Variants in RIMKLA observed in about 807,000 individuals in gnomAD.
The protein encoded by RIMKLA is ribosomal modification protein rimK like family member A, also known as N-acetylaspartylglutamate synthase A.
A neutral mutation model predicts 32.7 loss-of-function variants in RIMKLA; 14 were observed. That is an observed-to-expected ratio of 0.43 (90% confidence interval 0.28 to 0.67). RIMKLA has a LOEUF of 0.67. Ranked by LOEUF, RIMKLA falls within the 30% of genes least tolerant of loss-of-function variation. The pLI is 0.18. For synonymous variants in RIMKLA, 176 were observed against 204.1 expected (o/e 0.86, Z 1.18); for missense variants, 410 against 519.0 (o/e 0.79, Z 2.04).
Position 42,414,506 on chromosome 1 carries a change from G to T in RIMKLA, c.708G>T (p.Pro236=). ...CAGGTGGCGTGGGCGTCAAGTGTCC[G>T]CTGACAGAACAAGGCAAGCAGTTGG... The part of the protein sequence containing the change: ...CSLGGVGVKC[P]LTEQGKQLAI... The change falls in exon 5 of 5, where the codon CCG becomes CCT. Residue 236 remains proline, a synonymous_variant. Transcript: ENST00000431473. 1 of 1,614,084 alleles carries T rather than the reference G, an allele frequency of 6.2e-7. No homozygotes were observed. The highest frequency in any genetic ancestry group is 1.6e-4 in the Middle Eastern group (1 of 6,062).
intron 2 of RIMKLA, among the ~76,000 whole-genome samples, chr1:42,399,987 A>AGTGCAGAGCG (rs1486948314): frequency 1.3e-5 from 2 of 152,236 alleles, no homozygotes; most frequent in East Asian, 3.8e-4. Context: ...GAAAAGAATA[A>AGTGCAGAGCG]GTGCAGAGCG....
In RIMKLA at chr1:42,380,892, G is replaced by T. The variant is rs1305078215; in HGVS notation, c.-43G>T. On this transcript the variant is annotated 5_prime_UTR_variant, in exon 1 of 5. Coordinates refer to ENST00000431473, the MANE Select transcript of RIMKLA (RefSeq NM_173642.4). ...CCCTACTGAGCGAGCGGCCCGGGGC[G>T]CCGAGGGGTCCGCGCCGCGCGGGGC... is the stretch of plus-strand genomic sequence containing the variant. The T allele has an allele frequency of 4.8e-6, 6 of 1,249,294 alleles. No individual in the cohort carries two copies. Among genetic ancestry groups the T allele is most frequent in the Non-Finnish European group, 6.0e-6 (6 of 998,944 alleles). 77.4% of individuals were successfully genotyped at this position (1,249,294 alleles called of 1,614,324 possible). A position where few individuals can be genotyped will look rare whatever the true frequency, so the allele number is the denominator to read the frequency against.
At chr1:42,389,795 CAG>C (rs1358839952) in intron 1 of RIMKLA, among the ~76,000 whole-genome samples, 1 of 149,566 alleles carries the variant, frequency 6.7e-6, no homozygotes, top group East Asian at 2.0e-4. Context: ...GTCTGGGTGA[CAG>C]AGCGAGACGC....
Position 42,410,009 on chromosome 1 carries a change from T to G in RIMKLA, c.507T>G (p.Asp169Glu), listed in dbSNP as rs764596790. Residue 169 changes from aspartate (D) to glutamate (E), a missense_variant, in exon 4 of 5, where the codon GAT (aspartate) becomes GAG (glutamate). Physicochemically the swap from Asp to Glu is conservative, Grantham distance 45 (BLOSUM62 2). Transcript: ENST00000431473. ...GAAAAGCTGTTTTTCTGGCAAGAGATAAACATCACCTCTCTGACATCTGCC... is the reference window on the plus strand; with the variant it reads ...GAAAAGCTGTTTTTCTGGCAAGAGAGAAACATCACCTCTCTGACATCTGCC... Reference protein sequence around the residue: ...HRGKAVFLARDKHHLSDICHL... With the variant: ...HRGKAVFLAREKHHLSDICHL... 21 of 1,613,978 alleles carry G rather than the reference T, an allele frequency of 1.3e-5. No homozygotes were observed. Among genetic ancestry groups the G allele is most frequent in the Non-Finnish European group, 1.5e-5 (18 of 1,179,990 alleles).
In RIMKLA at chr1:42,414,656, A is replaced by G; in HGVS notation, c.858A>G (p.Ala286=). The change falls in exon 5 of 5, where the codon GCA becomes GCG. Residue 286 remains alanine, a synonymous_variant. Coordinates refer to ENST00000431473, the MANE Select transcript of RIMKLA (RefSeq NM_173642.4). ...TTGGCTTCCTAGCCTTTGACCAGGC[A>G]TGCAACTTAGATGTGGGTGGGATCA... ...ANVGFLAFDQ[A]CNLDVGGIIA... is the part of the protein sequence containing the mutation. 1.2e-6 allele frequency: 2 copies of G among 1,614,200 alleles called. No homozygotes were observed. The highest frequency in any genetic ancestry group is 1.7e-6 in the Non-Finnish European group (2 of 1,180,018).
intron 3 of RIMKLA, 82 bp from the exon 4 acceptor site, chr1:42,409,902 T>G: frequency 2.8e-6 from 3 of 1,084,108 alleles, no homozygotes; most frequent in Non-Finnish European, 2.8e-6. Context: ...AACTGATGAC[T>G]TTATGGACAA....
At chr1:42,391,513 T>C (rs1643000088) in intron 1 of RIMKLA, among the ~76,000 whole-genome samples, 1 of 151,936 alleles carries the variant, frequency 6.6e-6, no homozygotes, top group South Asian at 2.1e-4. Context: ...GGGGAAGCGG[T>C]GTCATTGGCG....
rs1412588244 is a variant in RIMKLA at position 42,381,171 on chromosome 1, G to T, written c.163+74G>T. On this transcript the variant is annotated intron_variant, in intron 1 of 4. Coordinates refer to ENST00000431473, the MANE Select transcript of RIMKLA (RefSeq NM_173642.4). ...GAGAGCCGGTCGGGTGGGCGCGCTC[G>T]CCGGGCCTCCCGCAGCAGAGTCTCC... 9.7e-6 allele frequency: 11 copies of T among 1,136,856 alleles called. No individual in the cohort carries two copies. The Admixed American group carries it at 4.7e-4, about 48-fold the overall frequency. The allele number at this position is 1,136,856 out of a possible 1,614,324, so 70.4% of individuals were successfully genotyped here. A position where few individuals can be genotyped will look rare whatever the true frequency, so the allele number is the denominator to read the frequency against.
At chr1:42,385,161 C>T (rs1642925667) in intron 1 of RIMKLA, among the ~76,000 whole-genome samples, 1 of 152,140 alleles carries the variant, frequency 6.6e-6, no homozygotes, top group Admixed American at 6.5e-5. Flanking sequence ...AGTAGGCCTT[C>T]CGTTAATGTT....
At chr1:42,386,082 G>A (rs370196246) in intron 1 of RIMKLA, among the ~76,000 whole-genome samples, 16 of 151,256 alleles carry the variant, frequency 1.1e-4, no homozygotes, top group African/African-American at 3.9e-4. Flanking sequence ...CCACCATACC[G>A]GGCTAATGTT....
At chr1:42,381,167 G>C in intron 1 of RIMKLA, 70 bp downstream of exon 1, 1 of 1,153,244 alleles carries the variant, frequency 8.7e-7, no homozygotes, top group Non-Finnish European at 1.1e-6. Flanking sequence ...GGGTGGGCGC[G>C]CTCGCCGGGC....
Position 42,399,505 on chromosome 1 carries a change from C to T in RIMKLA, c.265C>T (p.Arg89Ter), listed in dbSNP as rs780592194. The T allele has an allele frequency of 4.3e-6, 7 of 1,613,134 alleles. No individual in the cohort carries two copies. Among genetic ancestry groups the T allele is most frequent in the Admixed American group, 3.3e-5 (2 of 59,892 alleles). The change falls in exon 2 of 5, where the codon CGA becomes TGA. Residue 89 changes from arginine to a stop codon, truncating the protein, a stop_gained. Transcript: ENST00000431473. LOFTEE classifies it high-confidence loss of function. ...GTCAGACAGTGACATCACTGTCCTG[C>T]GACACCTGGAGAAGCTGGGCTGCCG... ...VQSDSDITVL[R>*]HLEKLGCRLV...
chr1:42,409,816 G>A (rs1331202748), intron 3 of RIMKLA, among the ~76,000 whole-genome samples, 168 bp from the exon 4 acceptor site: 7 of 152,160 alleles, frequency 4.6e-5, no homozygotes, highest in Non-Finnish European at 8.8e-5. Context: ...GGAAAGTAAG[G>A]TTCTGTGGTC....
chr1:42,380,887 G>A lies in RIMKLA; in HGVS notation c.-48G>A, dbSNP rs1443917734. On this transcript the variant is annotated 5_prime_UTR_variant, in exon 1 of 5. Coordinates refer to ENST00000431473, the MANE Select transcript of RIMKLA (RefSeq NM_173642.4). ...GCTCGCCCTACTGAGCGAGCGGCCC[G>A]GGGCGCCGAGGGGTCCGCGCCGCGC... The A allele has an allele frequency of 3.9e-5, 48 of 1,229,340 alleles. No homozygotes were observed. The highest frequency in any genetic ancestry group is 4.8e-5 in the Non-Finnish European group (47 of 986,804). 76.2% of individuals were successfully genotyped at this position (1,229,340 alleles called of 1,614,324 possible).
intron 4 of RIMKLA, among the ~76,000 whole-genome samples, chr1:42,414,183 C>T (rs17378546): frequency 0.18 from 26,920 of 151,854 alleles, 2,480 homozygotes; most frequent in East Asian, 0.22. Flanking sequence ...TACCTGGCTC[C>T]ATGATTTGTA....
At chr1:42,400,059 A>G (rs1023488126) in intron 2 of RIMKLA, among the ~76,000 whole-genome samples, 6 of 152,220 alleles carry the variant, frequency 3.9e-5, no homozygotes, top group Non-Finnish European at 8.8e-5. Context: ...TCTTCCTAAA[A>G]GAGCTAACAT....
intron 1 of RIMKLA, among the ~76,000 whole-genome samples, chr1:42,388,607 C>T (rs11210634): frequency 0.034 from 5,093 of 150,722 alleles, 264 homozygotes; most frequent in African/African-American, 0.11. Context: ...GCAACTTCTG[C>T]CTCCCAGGTT....
At position 42,410,159 on chromosome 1, in the gene RIMKLA, T is replaced by G. The variant is rs1643185122; in HGVS notation, c.657T>G (p.Asp219Glu). The change falls in exon 4 of 5, where the codon GAT becomes GAG. Residue 219 changes from aspartate (D) to glutamate (E), a missense_variant. Physicochemically the swap from Asp to Glu is conservative, Grantham distance 45. Transcript: ENST00000431473. ...VIGSMLRCST[D>E]GRMQSNCSLG... ...GCTCTATGCTTCGCTGCTCCACTGA[T>G]GGACGGATGCAGAGCAACTGCTCTC... is the stretch of plus-strand genomic sequence containing the variant. 6.2e-7 allele frequency: 1 copy of G among 1,613,942 alleles called. No individual in the cohort carries two copies. The highest frequency in any genetic ancestry group is 1.3e-5 in the African/African-American group (1 of 74,886).
intron 2 of RIMKLA, among the ~76,000 whole-genome samples, chr1:42,400,931 T>C (rs568697325): frequency 1.4e-4 from 22 of 152,242 alleles, no homozygotes; most frequent in African/African-American, 5.3e-4. Flanking sequence ...TAAAATGGTA[T>C]ATTTTATGTA....
Sources: allele counts gnomAD v4.1 joint callset (sites outside exome capture counted in the v4.1 genomes callset), GRCh38; gene constraint gnomAD v4.1.1; transcripts MANE v1.5; gene names NCBI Gene and HGNC (gene_info 2026-07-23, HGNC 2026-07-21).